The following HORMAD2 variants were observed in gnomAD, a reference collection of about 807,000 sequenced individuals.
HORMAD2 encodes the protein HORMA domain containing 2.
A neutral mutation model predicts 38.8 loss-of-function variants in HORMAD2; 45 were observed. The observed-to-expected ratio is 1.16, with a 90% CI of 0.91 to 1.49. The LOEUF (loss-of-function observed/expected upper bound fraction) is 1.49, where lower values mean the gene tolerates loss of function less well. Among genes scored for constraint, HORMAD2 ranks in the 40% most tolerant of loss-of-function variants. HORMAD2 has a pLI of 0.00. For synonymous variants in HORMAD2, 126 were observed against 122.8 expected, an observed-to-expected ratio of 1.03 and a Z score of -0.17; for missense variants, 338 against 367.0, an observed-to-expected ratio of 0.92 and a Z score of 0.65.
At chr22:30,200,637 T>C in the HORMAD2 span, among the ~76,000 whole-genome samples, 2 of 152,010 alleles carry the variant, frequency 1.3e-5, no homozygotes, top group Non-Finnish European at 2.9e-5. Flanking sequence ...TAATATTTTA[T>C]ATTGATCAAG....
At chr22:30,128,903 T>A in intron 10 of HORMAD2, among the ~76,000 whole-genome samples, 1 of 152,130 alleles carries the variant, frequency 6.6e-6, no homozygotes, top group Non-Finnish European at 1.5e-5. Flanking sequence ...TGGGATATTT[T>A]TTGAATCCCT....
At chr22:30,162,406 A>T (rs1255302391) in intron 10 of HORMAD2, among the ~76,000 whole-genome samples, 2 of 152,150 alleles carry the variant, frequency 1.3e-5, no homozygotes, top group Admixed American at 1.3e-4. Context: ...AGTACTTGAA[A>T]TGTGGCTAGT....
At chr22:30,104,459 C>A (rs761591371) in intron 5 of HORMAD2, 22 bp downstream of exon 5, 1 of 1,575,040 alleles carries the variant, frequency 6.3e-7, no homozygotes, top group Non-Finnish European at 8.7e-7. Flanking sequence ...TTTACACTTA[C>A]ACTGGAATCA....
chr22:30,151,481 G>A (rs1261947615), intron 10 of HORMAD2, among the ~76,000 whole-genome samples: 2 of 152,096 alleles, frequency 1.3e-5, no homozygotes, highest in East Asian at 3.8e-4. Context: ...CTGAGAATTG[G>A]TAAAGTATTG....
intron 1 of HORMAD2, among the ~76,000 whole-genome samples, chr22:30,081,837 G>A (rs145690561): frequency 0.01 from 1,560 of 152,034 alleles, 25 homozygotes; most frequent in African/African-American, 0.036. Flanking sequence ...CTCCCACCTC[G>A]GCCTCCCAGA....
intron 2 of HORMAD2, 120 bp from the exon 3 acceptor site, chr22:30,098,732 C>T: frequency 8.8e-6 from 7 of 796,466 alleles, no homozygotes; most frequent in South Asian, 2.5e-5. Flanking sequence ...TTTTTGATTA[C>T]CTTCAAAGAT....
chr22:30,180,925 T>TC (rs1926679995), downstream of HORMAD2, among the ~76,000 whole-genome samples: 1 of 8,910 alleles, frequency 1.1e-4, no homozygotes, highest in African/African-American at 2.5e-4. Flanking sequence ...CCCTTCCCTC[T>TC]CCTCTCCTCT....
At chr22:30,083,777 A>G (rs1233165972) in intron 1 of HORMAD2, among the ~76,000 whole-genome samples, 1 of 152,158 alleles carries the variant, frequency 6.6e-6, no homozygotes, top group Non-Finnish European at 1.5e-5. Flanking sequence ...CACCATGCCC[A>G]GTTTTAGTAG....
intron 10 of HORMAD2, among the ~76,000 whole-genome samples, chr22:30,156,454 A>G (rs1925081427): frequency 1.3e-5 from 2 of 152,170 alleles, no homozygotes; most frequent in Admixed American, 6.5e-5. Flanking sequence ...AACCAGATAA[A>G]AAAAGAAAGA....
At chr22:30,172,882 C>T (rs1448806986) in intron 10 of HORMAD2, among the ~76,000 whole-genome samples, 2 of 148,970 alleles carry the variant, frequency 1.3e-5, no homozygotes, top group Non-Finnish European at 1.5e-5. Flanking sequence ...AATGAGACTC[C>T]GTTTCAAAAA....
At chr22:30,157,812 C>T (rs60964812) in intron 10 of HORMAD2, among the ~76,000 whole-genome samples, 2 of 151,996 alleles carry the variant, frequency 1.3e-5, no homozygotes, top group Non-Finnish European at 2.9e-5. Context: ...CTTCTCATAA[C>T]CTAAAAGAAA....
At chr22:30,158,599 C>CCT (rs1569115336) in intron 10 of HORMAD2, among the ~76,000 whole-genome samples, 7 of 33,442 alleles carry the variant, frequency 2.1e-4, no homozygotes, top group South Asian at 2.9e-3. Flanking sequence ...CCTTCCTTCC[C>CCT]TCCCTCCCTC....
intron 3 of HORMAD2, 139 bp downstream of exon 3, chr22:30,099,132 T>C: frequency 3.0e-6 from 2 of 663,126 alleles, no homozygotes; most frequent in Non-Finnish European, 4.6e-6. Context: ...TAATCCATTT[T>C]CCATTTTAAT....
At chr22:30,091,471 G>A (rs576328659) in intron 1 of HORMAD2, among the ~76,000 whole-genome samples, 10 of 151,912 alleles carry the variant, frequency 6.6e-5, no homozygotes, top group Non-Finnish European at 1.3e-4. Context: ...TCACCATGTT[G>A]CCTAGGCTGG....
intron 10 of HORMAD2, among the ~76,000 whole-genome samples, chr22:30,125,418 G>C (rs963703962): frequency 1.3e-5 from 2 of 151,086 alleles, no homozygotes; most frequent in African/African-American, 4.9e-5. Context: ...AGTAGAGACA[G>C]GGTTTCTCCA....
intron 10 of HORMAD2, among the ~76,000 whole-genome samples, chr22:30,127,232 G>A (rs1176206766): frequency 5.5e-5 from 6 of 108,948 alleles, no homozygotes; most frequent in Non-Finnish European, 8.8e-5. Context: ...TTTTTGAGAC[G>A]GAGTCTCGCT....
chr22:30,084,262 G>A (rs1299277350), intron 1 of HORMAD2, among the ~76,000 whole-genome samples: 1 of 152,188 alleles, frequency 6.6e-6, no homozygotes, highest in East Asian at 1.9e-4. Flanking sequence ...TTCTTGCTGT[G>A]TCATAACATG....
the HORMAD2 span, among the ~76,000 whole-genome samples, chr22:30,199,617 T>C: frequency 2.6e-5 from 4 of 152,256 alleles, no homozygotes; most frequent in African/African-American, 9.6e-5. Flanking sequence ...TTCTGTTTTA[T>C]ACTCTTGAGT....
intron 1 of HORMAD2, among the ~76,000 whole-genome samples, chr22:30,088,173 A>G (rs1326301247): frequency 6.6e-6 from 1 of 150,772 alleles, no homozygotes; most frequent in Non-Finnish European, 1.5e-5. Context: ...ACCTATGTAT[A>G]CATATATACA....
Sources: gnomAD v4.1 joint callset for allele counts (sites outside exome capture counted in the v4.1 genomes callset) on GRCh38, gnomAD v4.1.1 for gene constraint, MANE v1.5 for transcripts, NCBI Gene and HGNC (gene_info 2026-07-23, HGNC 2026-07-21) for gene names.